The following OSMR variants were observed in gnomAD, a reference collection of about 807,000 sequenced individuals.
OSMR encodes oncostatin-M-specific receptor subunit beta.
Under a neutral mutation model 99.9 loss-of-function variants are expected in OSMR, and 81 were observed. The observed-to-expected ratio is 0.81, with a 90% CI of 0.68 to 0.97. The LOEUF is 0.97. Ranked by LOEUF, OSMR falls within the 50% of genes least tolerant of loss-of-function variation. The pLI is 0.00. For missense variants in OSMR, 1,099 were observed against 1,153.4 expected (o/e 0.95, Z 0.68); for synonymous variants, 406 against 410.4 (o/e 0.99, Z 0.13).
Position 38,863,112 on chromosome 5 carries a change from C to G in OSMR, c.-13-5920C>G, listed in dbSNP as rs535847394. On this transcript the variant is annotated intron_variant, in intron 1 of 17. Transcript: ENST00000274276. ...AGGTTGCAGTGGGCCGAGATGGCAG[C>G]AGTACAGTCCAGCTTCGGCTCGGCA... Among the ~76,000 whole-genome samples the G allele has an allele frequency of 9.4e-3, 1,374 of 146,464 alleles. 33 individuals carry two copies. The highest frequency in any genetic ancestry group is 0.032 in the African/African-American group (1,284 of 39,664).
At chr5:38,876,426 C>A (rs1742843978) in intron 3 of OSMR, 53 bp downstream of exon 3, 41 of 1,452,040 alleles carry the variant, frequency 2.8e-5, no homozygotes, top group Non-Finnish European at 3.7e-5. Context: ...AAAAAAGACA[C>A]CTTGGTTTTC....
chr5:38,863,609 T>C (rs1323907068), intron 1 of OSMR, among the ~76,000 whole-genome samples: 1 of 152,198 alleles, frequency 6.6e-6, no homozygotes, highest in East Asian at 1.9e-4. Context: ...TTCCATGTGC[T>C]GATGAGAAGA....
chr5:38,940,019 C>CTT (rs35397307), downstream of OSMR: 5,219 of 201,532 alleles, frequency 0.026, 85 homozygotes, highest in African/African-American at 0.06. Context: ...TAAGCGTAGA[C>CTT]TTTTTTTTTT....
chr5:38,864,388 C>T (rs1391032165), intron 1 of OSMR, among the ~76,000 whole-genome samples: 1 of 152,080 alleles, frequency 6.6e-6, no homozygotes, highest in East Asian at 1.9e-4. Flanking sequence ...TAGATATCAT[C>T]CTTTCACTTC....
chr5:38,901,053 C>G (rs368350383), intron 7 of OSMR, among the ~76,000 whole-genome samples: 2 of 152,178 alleles, frequency 1.3e-5, no homozygotes, highest in South Asian at 4.1e-4. Context: ...TTGGCAATGG[C>G]CCATGAGTCT....
chr5:38,925,176 G>GAA, intron 14 of OSMR, 28 bp from the exon 15 acceptor site: 1 of 1,588,144 alleles, frequency 6.3e-7, no homozygotes, highest in African/African-American at 1.4e-5. Context: ...TTTTTTCCTT[G>GAA]AAAAAAAAAC....
chr5:38,890,716 C>T (rs1044144299), intron 7 of OSMR, among the ~76,000 whole-genome samples: 2 of 151,064 alleles, frequency 1.3e-5, no homozygotes. Context: ...TCAATAGATT[C>T]AGAGTAAGCA....
At chr5:38,910,027 A>C (rs1052600852) in intron 9 of OSMR, among the ~76,000 whole-genome samples, 3 of 152,250 alleles carry the variant, frequency 2.0e-5, no homozygotes, top group African/African-American at 7.2e-5. Context: ...AAAGGGATGC[A>C]GAAAAATCTA....
At chr5:38,881,429 G>A (rs1743271084) in intron 3 of OSMR, 164 bp from the exon 4 acceptor site, 8 of 975,988 alleles carry the variant, frequency 8.2e-6, no homozygotes, top group South Asian at 4.7e-5. Flanking sequence ...GCTCCCATGC[G>A]AGGCATCAGA....
chr5:38,885,789 A>G, intron 6 of OSMR: 1 of 796,942 alleles, frequency 1.3e-6, no homozygotes, highest in Non-Finnish European at 1.5e-6. Flanking sequence ...GAATATTCCA[A>G]GTAAATTAAG....
chr5:38,935,883 TAAC>T (rs1212976438), downstream of OSMR, among the ~76,000 whole-genome samples: 1 of 152,308 alleles, frequency 6.6e-6, no homozygotes, highest in South Asian at 2.1e-4. Context: ...TTCTGAAATA[TAAC>T]AACATGCCAA....
At chr5:38,907,265 T>G (rs1320971820) in intron 9 of OSMR, among the ~76,000 whole-genome samples, 1 of 152,168 alleles carries the variant, frequency 6.6e-6, no homozygotes, top group Non-Finnish European at 1.5e-5. Context: ...GGGAAGGGGT[T>G]GAACAGGCGG....
At chr5:38,849,663 G>C (rs1241142839) in intron 1 of OSMR, among the ~76,000 whole-genome samples, 3 of 151,986 alleles carry the variant, frequency 2.0e-5, no homozygotes, top group African/African-American at 7.2e-5. Flanking sequence ...GTTTATAATT[G>C]TTAGCAATTT....
In OSMR at chr5:38,881,687, T is replaced by C. The variant is rs1378325223; in HGVS notation, c.341T>C (p.Ile114Thr). 6.2e-7 allele frequency: 1 copy of C among 1,614,108 alleles called. No individual in the cohort carries two copies. The highest frequency in any genetic ancestry group is 8.5e-7 in the Non-Finnish European group (1 of 1,180,040). The change falls in exon 4 of 18, where the codon ATA (isoleucine) becomes ACA (threonine). Residue 114 changes from isoleucine to threonine, a missense_variant. Ile to Thr is a moderately conservative substitution (Grantham distance 89, BLOSUM62 -1). Transcript: ENST00000274276. ...PLECATHFVR[I>T]KSLVDDAKFP... ...GAATGTGCCACACACTTTGTAAGAATAAAGAGTTTGGTGGACGATGCCAAG... is the reference window on the plus strand; with the variant it reads ...GAATGTGCCACACACTTTGTAAGAACAAAGAGTTTGGTGGACGATGCCAAG...
chr5:38,885,888 A>G (rs1414358353), intron 6 of OSMR, 151 bp from the exon 7 acceptor site: 12 of 1,449,768 alleles, frequency 8.3e-6, no homozygotes, highest in Non-Finnish European at 1.0e-5. Flanking sequence ...TATTTTCGTT[A>G]TTGGTATTTG....
chr5:38,851,895 C>G (rs1740386859), intron 1 of OSMR, among the ~76,000 whole-genome samples: 1 of 152,152 alleles, frequency 6.6e-6, no homozygotes, highest in South Asian at 2.1e-4. Flanking sequence ...TAAGGGGAAA[C>G]CACTTTCACT....
At chr5:38,872,452 C>T (rs1043741432) in intron 2 of OSMR, among the ~76,000 whole-genome samples, 2 of 152,148 alleles carry the variant, frequency 1.3e-5, no homozygotes, top group African/African-American at 4.8e-5. Context: ...GTTTCACTCA[C>T]AGTCTACAGG....
chr5:38,907,742 G>A (rs139707755), intron 9 of OSMR, among the ~76,000 whole-genome samples: 6 of 152,252 alleles, frequency 3.9e-5, no homozygotes, highest in African/African-American at 9.6e-5. Context: ...ACATGCATCA[G>A]CCCACCTGCA....
chr5:38,879,684 C>T (rs548314219), intron 3 of OSMR, among the ~76,000 whole-genome samples: 144 of 142,748 alleles, frequency 1.0e-3, no homozygotes, highest in African/African-American at 3.6e-3. Flanking sequence ...AGTGCAGTGG[C>T]GCAATCCCAG....
Sources: allele counts gnomAD v4.1 joint callset (sites outside exome capture counted in the v4.1 genomes callset), GRCh38; gene constraint gnomAD v4.1.1; transcripts MANE v1.5; gene names NCBI Gene and HGNC (gene_info 2026-07-23, HGNC 2026-07-21).